Variants in HPSE2 observed in about 807,000 individuals in gnomAD.
HPSE2 encodes the protein heparanase 2 (inactive), also known as inactive heparanase-2.
A neutral mutation model predicts 60.5 loss-of-function variants in HPSE2; 38 were observed. The observed-to-expected ratio is 0.63, with a 90% confidence interval of 0.48 to 0.82. The LOEUF is 0.82. Among genes scored for constraint, HPSE2 ranks in the 40% least tolerant of loss-of-function variants. The probability of loss-of-function intolerance (pLI) is 0.00; values close to 1 mark genes in which losing one functional copy is unlikely to be tolerated. For missense variants in HPSE2, 713 were observed against 740.4 expected, an observed-to-expected ratio of 0.96 and a Z score of 0.43; for synonymous variants, 295 against 293.2, an observed-to-expected ratio of 1.01 and a Z score of -0.06.
intron 3 of HPSE2, among the ~76,000 whole-genome samples, chr10:99,015,849 A>C (rs1957128549): frequency 6.6e-6 from 1 of 152,190 alleles, no homozygotes; most frequent in African/African-American, 2.4e-5. Flanking sequence ...AAACTAAAAA[A>C]AAAGTTTCTG....
At chr10:99,168,924 G>T (rs890724675) in intron 2 of HPSE2, among the ~76,000 whole-genome samples, 1 of 152,212 alleles carries the variant, frequency 6.6e-6, no homozygotes, top group Non-Finnish European at 1.5e-5. Flanking sequence ...GCCGGGCATG[G>T]TGGCTTGCGC....
intron 3 of HPSE2, among the ~76,000 whole-genome samples, chr10:98,952,578 A>G (rs967034636): frequency 6.6e-6 from 1 of 152,172 alleles, no homozygotes; most frequent in Non-Finnish European, 1.5e-5. Flanking sequence ...ATGACCAGCC[A>G]CTGAGGACAA....
At chr10:99,093,341 AAAAAAAAACT>A (rs1243385833) in intron 3 of HPSE2, among the ~76,000 whole-genome samples, 1 of 151,888 alleles carries the variant, frequency 6.6e-6, no homozygotes, top group Admixed American at 6.6e-5. Context: ...ATTTTCCTGA[AAAAAAAAACT>A]AGTAACATTG....
intron 7 of HPSE2, among the ~76,000 whole-genome samples, chr10:98,634,751 A>C (rs1462101919): frequency 6.6e-6 from 1 of 152,252 alleles, no homozygotes; most frequent in Admixed American, 6.5e-5. Context: ...TCTTTATTAA[A>C]TATAAACAGT....
chr10:99,172,398 G>C (rs893585250), intron 2 of HPSE2, among the ~76,000 whole-genome samples: 2 of 152,160 alleles, frequency 1.3e-5, no homozygotes, highest in African/African-American at 4.8e-5. Context: ...TTTCAAAAGA[G>C]AGTATAATTT....
intron 3 of HPSE2, among the ~76,000 whole-genome samples, chr10:98,955,058 G>A (rs1432055302): frequency 1.3e-5 from 2 of 150,622 alleles, no homozygotes; most frequent in Non-Finnish European, 3.0e-5. Flanking sequence ...CTATCCAAAA[G>A]AATGGTGATT....
chr10:98,931,251 T>C (rs965018708), intron 3 of HPSE2, among the ~76,000 whole-genome samples: 2 of 144,216 alleles, frequency 1.4e-5, no homozygotes, highest in South Asian at 4.2e-4. Context: ...CATGTTTTTG[T>C]CAGGTCTGTC....
At position 98,513,908 on chromosome 10, in the gene HPSE2, T is replaced by C. The variant is rs183467578; in HGVS notation, c.1321-23712A>G. Among the ~76,000 whole-genome samples, 41 of 152,220 alleles carry C rather than the reference T, an allele frequency of 2.7e-4. No homozygotes were observed. In the East Asian group the frequency reaches 5.8e-3, roughly 22 times the overall value. ...TCCAGCAATTCCACTCCTAGGCATATACCCAAAAGACGTGAAAAGAGGAAC... is the reference window on the plus strand; with the variant it reads ...TCCAGCAATTCCACTCCTAGGCATACACCCAAAAGACGTGAAAAGAGGAAC... On this transcript the variant is annotated intron_variant, in intron 9 of 11. Coordinates refer to ENST00000370552, the MANE Select transcript of HPSE2 (RefSeq NM_021828.5).
intron 9 of HPSE2, among the ~76,000 whole-genome samples, chr10:98,526,605 TA>T (rs1307844851): frequency 2.0e-5 from 3 of 152,182 alleles, no homozygotes; most frequent in Non-Finnish European, 4.4e-5. Flanking sequence ...ACATTGTTTC[TA>T]AAAGACCTGG....
At chr10:98,696,307 A>AAAC (rs1554970451) in intron 5 of HPSE2, among the ~76,000 whole-genome samples, 6 of 137,338 alleles carry the variant, frequency 4.4e-5, no homozygotes, top group African/African-American at 1.7e-4. Context: ...AAAAAAAAAA[A>AAAC]AAAAAAAAAA....
At chr10:98,517,895 T>C (rs7919903) in intron 9 of HPSE2, among the ~76,000 whole-genome samples, 116,537 of 152,278 alleles carry the variant, frequency 0.77, 49,368 homozygotes, top group East Asian at 0.96. Context: ...AGCCAAGAGA[T>C]GGGCCTGGCA....
upstream of HPSE2, among the ~76,000 whole-genome samples, chr10:99,236,584 G>A (rs1294689555): frequency 2.6e-5 from 4 of 152,150 alleles, no homozygotes; most frequent in African/African-American, 9.7e-5. Flanking sequence ...CCTGATCTCT[G>A]TGACGCGTTG....
At chr10:98,926,632 C>A (rs896515574) in intron 3 of HPSE2, among the ~76,000 whole-genome samples, 1 of 152,094 alleles carries the variant, frequency 6.6e-6, no homozygotes, top group African/African-American at 2.4e-5. Context: ...AAACAATGCT[C>A]AAATATCAAC....
chr10:99,302,131 C>T, the HPSE2 span, among the ~76,000 whole-genome samples: 1 of 152,044 alleles, frequency 6.6e-6, no homozygotes, highest in African/African-American at 2.4e-5. Context: ...AGCCAACAAG[C>T]AGTCACTAAG....
chr10:98,522,230 T>C (rs180993637), intron 9 of HPSE2, among the ~76,000 whole-genome samples: 5 of 149,896 alleles, frequency 3.3e-5, no homozygotes, highest in African/African-American at 9.8e-5. Context: ...TTAGGGTTTG[T>C]AAACAAAATA....
At chr10:98,551,611 T>C (rs1359981109) in intron 9 of HPSE2, among the ~76,000 whole-genome samples, 1 of 152,170 alleles carries the variant, frequency 6.6e-6, no homozygotes, top group Non-Finnish European at 1.5e-5. Context: ...GGCTCATTCA[T>C]CCCAATTGTG....
intron 4 of HPSE2, among the ~76,000 whole-genome samples, chr10:98,732,685 G>T (rs1949257017): frequency 6.6e-6 from 1 of 151,962 alleles, no homozygotes; most frequent in African/African-American, 2.4e-5. Flanking sequence ...ACTTTTAGAA[G>T]AAAATATAGG....
chr10:98,840,518 G>A (rs1333943867), intron 3 of HPSE2, among the ~76,000 whole-genome samples: 2 of 152,204 alleles, frequency 1.3e-5, no homozygotes, highest in Non-Finnish European at 2.9e-5. Flanking sequence ...CGACTAGGGT[G>A]ATGACAGTGG....
chr10:99,103,489 C>T (rs200324292), intron 3 of HPSE2, among the ~76,000 whole-genome samples: 8 of 152,116 alleles, frequency 5.3e-5, no homozygotes, highest in African/African-American at 1.9e-4. Context: ...AAAGAGGATA[C>T]AAACAAATGG....
Sources: gnomAD v4.1 joint callset for allele counts (sites outside exome capture counted in the v4.1 genomes callset) on GRCh38, gnomAD v4.1.1 for gene constraint, MANE v1.5 for transcripts, NCBI Gene and HGNC (gene_info 2026-07-23, HGNC 2026-07-21) for gene names.